Variants in MIB1 observed in about 807,000 individuals in gnomAD.
MIB1 encodes the protein E3 ubiquitin-protein ligase MIB1.
In MIB1, 278 loss-of-function variants were observed where a neutral mutation model predicts 124.5. That is an observed-to-expected ratio of 2.23 (90% CI 2.02 to 2.47). The LOEUF is 2.47. Ranked by LOEUF, MIB1 falls within the 30% of genes most tolerant of loss-of-function variation. The pLI, the probability that MIB1 is intolerant of heterozygous loss-of-function variation, is 0.00. For missense variants in MIB1, 957 were observed against 1,254.4 expected (o/e 0.76, Z 3.58); for synonymous variants, 446 against 429.4 (o/e 1.04, Z -0.48).
At chr18:21,828,071 A>G (rs2041943086) in intron 12 of MIB1, 1 of 152,018 alleles carries the variant, frequency 6.6e-6, no homozygotes, top group Non-Finnish European at 1.5e-5. Flanking sequence ...TGTGTGAAAT[A>G]AAAGTATTTT....
intron 5 of MIB1, 35 bp downstream of exon 5, chr18:21,778,204 T>C: frequency 7.3e-7 from 1 of 1,371,028 alleles, no homozygotes; most frequent in Non-Finnish European, 1.0e-6. Context: ...TACTAAATAA[T>C]GGGTCAGAGT....
chr18:21,799,123 C>T (rs555821440), intron 8 of MIB1, among the ~76,000 whole-genome samples: 3 of 152,094 alleles, frequency 2.0e-5, no homozygotes, highest in South Asian at 4.1e-4. Context: ...GGACTTGGCC[C>T]ACTTTGTCAT....
At chr18:21,826,832 C>G (rs1259547262) in intron 12 of MIB1, 2 of 152,042 alleles carry the variant, frequency 1.3e-5, no homozygotes, top group African/African-American at 4.8e-5. Context: ...GCAAATGACT[C>G]TTACACTAAG....
At chr18:21,742,438 T>G (rs759534298) in intron 1 of MIB1, among the ~76,000 whole-genome samples, 3 of 152,186 alleles carry the variant, frequency 2.0e-5, no homozygotes, top group Non-Finnish European at 4.4e-5. Flanking sequence ...ACCATTTCTT[T>G]GTGTTAAATA....
chr18:21,765,158 C>G (rs1539865), intron 1 of MIB1, among the ~76,000 whole-genome samples: 33,361 of 151,948 alleles, frequency 0.22, 3,980 homozygotes, highest in South Asian at 0.39. Context: ...GGTCATTTTA[C>G]CAAGTGTTTA....
chr18:21,805,664 C>G (rs1279755507), intron 10 of MIB1, among the ~76,000 whole-genome samples: 2 of 152,038 alleles, frequency 1.3e-5, no homozygotes, highest in African/African-American at 4.8e-5. Context: ...CAAAGTCCTT[C>G]TGATTACAGC....
At chr18:21,773,269 C>T (rs1334009802) in intron 3 of MIB1, among the ~76,000 whole-genome samples, 1 of 151,772 alleles carries the variant, frequency 6.6e-6, no homozygotes, top group African/African-American at 2.4e-5. Flanking sequence ...CATCTCAAAA[C>T]CAAAAACCAA....
At chr18:21,839,383 A>G (rs925727184) in intron 13 of MIB1, among the ~76,000 whole-genome samples, 2 of 152,208 alleles carry the variant, frequency 1.3e-5, no homozygotes, top group African/African-American at 4.8e-5. Flanking sequence ...AACTTATGCC[A>G]CTATCATGTT....
At chr18:21,787,598 G>A (rs370438893) in intron 6 of MIB1, among the ~76,000 whole-genome samples, 3 of 152,084 alleles carry the variant, frequency 2.0e-5, no homozygotes, top group African/African-American at 7.2e-5. Context: ...GGAATTTTCT[G>A]TGCTTTGTGC....
chr18:21,735,199 C>T (rs1046752498), intron 1 of MIB1, among the ~76,000 whole-genome samples: 22 of 152,196 alleles, frequency 1.4e-4, no homozygotes, highest in Non-Finnish European at 3.1e-4. Context: ...GTTCATCTCA[C>T]TGGGACTGGT....
chr18:21,790,295 C>T (rs539540138), intron 6 of MIB1, among the ~76,000 whole-genome samples: 62 of 152,172 alleles, frequency 4.1e-4, no homozygotes, highest in African/African-American at 1.4e-3. Context: ...AAGATGTATA[C>T]GCAGGAATGG....
intron 1 of MIB1, among the ~76,000 whole-genome samples, chr18:21,734,464 T>TTC (rs2040786243): frequency 7.8e-6 from 1 of 127,400 alleles, no homozygotes; most frequent in Non-Finnish European, 1.6e-5. Context: ...TTTCTTTTCT[T>TTC]TCTCTCTCTC....
rs1598586529 is a variant in MIB1, at chr18:21,741,879, G to C, written c.229+67G>C. 1 of 1,391,868 alleles carries C rather than the reference G, an allele frequency of 7.2e-7. No homozygotes were observed. Among genetic ancestry groups the C allele is most frequent in the South Asian group, 1.4e-5 (1 of 72,420 alleles). 86.2% of individuals were successfully genotyped at this position (1,391,868 alleles called of 1,614,324 possible). The stretch of plus-strand genomic sequence containing the variant: ...GAAGGGGCGAGCTGCGGTGGGCGTC[G>C]GTGTCGCGGGGAGAGGTCTGCAGTG... On this transcript the variant is annotated intron_variant, in intron 1 of 20. Coordinates refer to ENST00000261537, the MANE Select transcript of MIB1 (RefSeq NM_020774.4). This position sits in a 1 kb window ranked among gnomAD's most constrained non-coding sequence, Gnocchi z 5.4.
At chr18:21,808,502 T>C (rs2146465590) in intron 10 of MIB1, among the ~76,000 whole-genome samples, 1 of 152,320 alleles carries the variant, frequency 6.6e-6, no homozygotes, top group African/African-American at 2.4e-5. Context: ...TAGATGACTA[T>C]TGCAGAGTTT....
At chr18:21,819,748 T>C in intron 12 of MIB1, 102 bp downstream of exon 12, 1 of 811,286 alleles carries the variant, frequency 1.2e-6, no homozygotes, top group Non-Finnish European at 1.8e-6. Flanking sequence ...GCTATTTTAG[T>C]ATTTTAAATC....
intron 1 of MIB1, among the ~76,000 whole-genome samples, chr18:21,726,120 C>G (rs1271041630): frequency 1.3e-5 from 2 of 152,144 alleles, no homozygotes; most frequent in African/African-American, 4.8e-5. Context: ...GGGCTCACAG[C>G]TGTAATTCCA....
upstream of MIB1, among the ~76,000 whole-genome samples, chr18:21,736,520 C>T (rs755033408): frequency 1.3e-5 from 2 of 152,072 alleles, no homozygotes; most frequent in Non-Finnish European, 2.9e-5. Context: ...ATGAGTTTGA[C>T]GAATTGACAG....
intron 17 of MIB1, among the ~76,000 whole-genome samples, chr18:21,849,609 T>C (rs1477815212): frequency 6.6e-6 from 1 of 152,172 alleles, no homozygotes; most frequent in African/African-American, 2.4e-5. Flanking sequence ...CTAAGTTAAT[T>C]ATTGTTTGAG....
chr18:21,819,741 AT>A, intron 12 of MIB1, 95 bp downstream of exon 12: 1 of 848,886 alleles, frequency 1.2e-6, no homozygotes, highest in Non-Finnish European at 1.7e-6. Context: ...AATTTTGGCT[AT>A]TTTAGTATTT....
Sources: gnomAD v4.1 joint callset for allele counts (sites outside exome capture counted in the v4.1 genomes callset) on GRCh38, gnomAD v4.1.1 for gene constraint, Gnocchi (gnomAD v3.1) non-coding constraint, MANE v1.5 for transcripts, NCBI Gene and HGNC (gene_info 2026-07-23, HGNC 2026-07-21) for gene names.